The following EML6 variants were observed in gnomAD, a reference collection of about 807,000 sequenced individuals.
The protein encoded by EML6 is EMAP like 6.
EML6 carries 154 observed loss-of-function variants against 240.1 expected under a neutral mutation model. The ratio of observed to expected loss-of-function variants is 0.64; its 90% CI spans 0.56 to 0.73. EML6 has a LOEUF of 0.73. Among genes scored for constraint, EML6 ranks in the 30% least tolerant of loss-of-function variants. EML6 has a pLI of 0.00. For missense variants in EML6, 2,964 were observed against 2,474.6 expected, an observed-to-expected ratio of 1.20 and a Z score of -4.20; for synonymous variants, 1,148 against 899.0, an observed-to-expected ratio of 1.28 and a Z score of -4.95.
intron 28 of EML6, among the ~76,000 whole-genome samples, chr2:54,941,807 C>A (rs1009367034): frequency 2.0e-5 from 3 of 152,380 alleles, no homozygotes; most frequent in Non-Finnish European, 4.4e-5. Context: ...CAGAGCCCTT[C>A]TCTCGAAGCT....
At chr2:54,900,819 A>G (rs752501971) in intron 22 of EML6, among the ~76,000 whole-genome samples, 1 of 152,166 alleles carries the variant, frequency 6.6e-6, no homozygotes, top group Non-Finnish European at 1.5e-5. Context: ...ATGTGAAAGG[A>G]CAAACTAAAG....
In EML6 at chr2:54,970,888, AAT is replaced by A. The variant is rs1287417386; in HGVS notation, c.*794_*795del. 1 of 152,236 alleles carries A rather than the reference AAT, an allele frequency of 6.6e-6. No homozygotes were observed. Among genetic ancestry groups the A allele is most frequent in the African/African-American group, 2.4e-5 (1 of 41,456 alleles). 9.4% of individuals were successfully genotyped at this position (152,236 alleles called of 1,614,324 possible). On this transcript the variant is annotated 3_prime_UTR_variant, in exon 42 of 42. Coordinates refer to ENST00000356458, the MANE Select transcript of EML6 (RefSeq NM_001039753.4). ...CTTATGGGAAGGTGAGCAGCAAAGG[AAT>A]TGAAGTTCGGGACAGGGTAGAATTA...
Position 54,725,145 on chromosome 2 carries a change from G to A in EML6, c.84G>A (p.Leu28=). 6.5e-7 allele frequency: 1 copy of A among 1,538,828 alleles called. No homozygotes were observed. Among genetic ancestry groups the A allele is most frequent in the Non-Finnish European group, 8.8e-7 (1 of 1,140,842 alleles). The part of the protein sequence containing the change: ...GYRGHQCRNN[L]YYTAGKEVVY... ...GGGGTCACCAGTGCCGCAACAACCT[G>A]TACTACACGGCAGGCAAGGAGGTGG... Residue 28 remains leucine (L), a synonymous_variant, in exon 2 of 42, where the codon CTG becomes CTA. Coordinates refer to ENST00000356458, the MANE Select transcript of EML6 (RefSeq NM_001039753.4). This position sits in a 1 kb window ranked among gnomAD's most constrained non-coding sequence, Gnocchi z 4.3.
intron 9 of EML6, 96 bp downstream of exon 9, chr2:54,847,719 T>C: frequency 7.4e-7 from 1 of 1,354,284 alleles, no homozygotes; most frequent in Non-Finnish European, 1.0e-6. Flanking sequence ...TTAGGAAAAA[T>C]CCATTTAGCC....
intron 2 of EML6, among the ~76,000 whole-genome samples, chr2:54,743,254 C>T (rs992534221): frequency 2.0e-5 from 3 of 152,184 alleles, no homozygotes; most frequent in African/African-American, 7.2e-5. Context: ...TGGAGACACA[C>T]CAGTTCACTG....
intron 21 of EML6, 67 bp from the exon 22 acceptor site, chr2:54,899,574 C>G: frequency 6.8e-7 from 1 of 1,469,572 alleles, no homozygotes; most frequent in Non-Finnish European, 9.2e-7. Context: ...TATGTAGCAC[C>G]AGGCTAAAGA....
chr2:54,967,099 A>G lies in EML6; in HGVS notation c.5593A>G (p.Thr1865Ala). ...VIEKITWASW[T>A]SVLGDEVIGI... ...TGAGAAGATCACCTGGGCCTCCTGGACAAGGTGACTGACTGGAAGAAAAAA... is the reference window on the plus strand; with the variant it reads ...TGAGAAGATCACCTGGGCCTCCTGGGCAAGGTGACTGACTGGAAGAAAAAA... Residue 1865 changes from threonine (T) to alanine (A), a missense_variant, in exon 39 of 42, where the codon ACA becomes GCA. Coordinates refer to ENST00000356458, the MANE Select transcript of EML6 (RefSeq NM_001039753.4). The G allele has an allele frequency of 1.3e-6, 2 of 1,548,024 alleles. No individual in the cohort carries two copies. The highest frequency in any genetic ancestry group is 1.7e-6 in the Non-Finnish European group (2 of 1,143,760).
chr2:54,729,777 G>A (rs73934810), intron 2 of EML6, among the ~76,000 whole-genome samples: 8 of 152,144 alleles, frequency 5.3e-5, no homozygotes, highest in South Asian at 2.1e-4. Context: ...TCTATAAACC[G>A]TTTGATTTAT....
At chr2:54,940,591 G>C (rs1169130655) in intron 28 of EML6, among the ~76,000 whole-genome samples, 1 of 152,202 alleles carries the variant, frequency 6.6e-6, no homozygotes, top group Non-Finnish European at 1.5e-5. Context: ...CTTTTCAAAT[G>C]AATAGATGAA....
At chr2:54,848,985 G>A (rs185355295) in intron 9 of EML6, among the ~76,000 whole-genome samples, 1 of 152,102 alleles carries the variant, frequency 6.6e-6, no homozygotes, top group African/African-American at 2.4e-5. Context: ...GTATAAAAAA[G>A]ATGATTTATT....
rs186612269 is a variant in EML6 at position 54,803,334 on chromosome 2, C to G, written c.198-9898C>G. 2.4e-3 allele frequency among the ~76,000 whole-genome samples: 365 copies of G among 152,236 alleles called. 15 individuals carry two copies. The South Asian group carries it at 0.071, about 30-fold the overall frequency. On this transcript the variant is annotated intron_variant, in intron 2 of 41. Transcript: ENST00000356458. ...TGGCTTCCTTAGAAAAGAATAGGACCTCAATTTAGCCCTATTTGTCAGCTA... is the reference window on the plus strand; with the variant it reads ...TGGCTTCCTTAGAAAAGAATAGGACGTCAATTTAGCCCTATTTGTCAGCTA...
Position 54,869,312 on chromosome 2 carries a change from A to G in EML6, c.2183A>G (p.Asp728Gly). The change falls in exon 15 of 42, where the codon GAC (aspartate) becomes GGC (glycine). Residue 728 changes from aspartate to glycine, a missense_variant. Physicochemically the swap from Asp to Gly is moderately conservative, Grantham distance 94 (BLOSUM62 -1). Coordinates refer to ENST00000356458, the MANE Select transcript of EML6 (RefSeq NM_001039753.4). ...HSQRLYLGHDDDILSLTIHPV... is the reference protein window; with the variant it reads ...HSQRLYLGHDGDILSLTIHPV... Reference sequence around the variant, plus strand: ...CAGAGGCTGTACCTGGGGCACGATGACGACATTCTCAGCCTGACCATCCAT... The same window carrying G: ...CAGAGGCTGTACCTGGGGCACGATGGCGACATTCTCAGCCTGACCATCCAT... The G allele has an allele frequency of 1.3e-6, 2 of 1,551,688 alleles. No individual in the cohort carries two copies. Among genetic ancestry groups the G allele is most frequent in the Non-Finnish European group, 1.7e-6 (2 of 1,146,948 alleles).
At chr2:54,909,276 G>A (rs187452485) in intron 24 of EML6, among the ~76,000 whole-genome samples, 2 of 152,242 alleles carry the variant, frequency 1.3e-5, no homozygotes, top group East Asian at 3.9e-4. Flanking sequence ...TTAGTTCATC[G>A]GAAAAGTATT....
Position 54,895,333 on chromosome 2 carries a change from T to C in EML6, c.2915T>C (p.Leu972Pro). The C allele has an allele frequency of 6.4e-7, 1 of 1,551,938 alleles. No homozygotes were observed. The change falls in exon 21 of 42, where the codon CTG (leucine) becomes CCG (proline). Residue 972 changes from leucine to proline, a missense_variant. Coordinates refer to ENST00000356458, the MANE Select transcript of EML6 (RefSeq NM_001039753.4). ...RAITLGHGHI[L>P]VGTKNGEILE... is the part of the protein sequence containing the mutation. ...ATCACTTTGGGACATGGACATATCC[T>C]GGTGGGAACAAAAAATGGAGAGATT...
rs181301302 is a variant in EML6, at chr2:54,830,616, G to A, written c.847+1139G>A. 1.2e-4 allele frequency among the ~76,000 whole-genome samples: 19 copies of A among 152,244 alleles called. 1 individual carries two copies. The highest frequency in any genetic ancestry group is 8.5e-4 in the Admixed American group (13 of 15,294). ...TAGGCCAGATCATGTGGCAGTGCGC[G>A]GTGCTCTCTGCCGGCCTTAGGTAGA... is the stretch of plus-strand genomic sequence containing the variant. On this transcript the variant is annotated intron_variant, in intron 7 of 41. Transcript: ENST00000356458.
intron 26 of EML6, among the ~76,000 whole-genome samples, chr2:54,928,056 T>C (rs1045391087): frequency 2.0e-5 from 3 of 152,170 alleles, no homozygotes. Flanking sequence ...TGTCTATAGA[T>C]TCCCAGAAAA....
chr2:54,824,048 C>T (rs921871017), intron 5 of EML6, among the ~76,000 whole-genome samples: 9 of 152,072 alleles, frequency 5.9e-5, no homozygotes, highest in African/African-American at 2.2e-4. Context: ...GCCTCTGACT[C>T]CTATAGAGCT....
intron 2 of EML6, among the ~76,000 whole-genome samples, chr2:54,753,132 C>A (rs1364752043): frequency 1.3e-5 from 2 of 152,208 alleles, no homozygotes; most frequent in African/African-American, 4.8e-5. Context: ...AATTTATATA[C>A]CACTAATGTA....
At chr2:54,770,136 G>C (rs1316828561) in intron 2 of EML6, among the ~76,000 whole-genome samples, 1 of 152,068 alleles carries the variant, frequency 6.6e-6, no homozygotes, top group African/African-American at 2.4e-5. Context: ...GGCCAGTCTT[G>C]GGCAGTTTTC....
Sources: allele counts gnomAD v4.1 joint callset (sites outside exome capture counted in the v4.1 genomes callset), GRCh38; gene constraint gnomAD v4.1.1; non-coding constraint Gnocchi (gnomAD v3.1); transcripts MANE v1.5; gene names NCBI Gene and HGNC (gene_info 2026-07-23, HGNC 2026-07-21).